Variants in LARGE1 observed in about 807,000 individuals in gnomAD.
The protein encoded by LARGE1 is xylosyl- and glucuronyltransferase LARGE1.
A neutral mutation model predicts 87.6 loss-of-function variants in LARGE1; 43 were observed. The observed-to-expected ratio is 0.49, with a 90% CI of 0.38 to 0.63. LARGE1 has a LOEUF of 0.63. LARGE1 is among the 30% of genes least tolerant of loss of function. LARGE1 has a pLI of 0.00. For synonymous variants in LARGE1, 434 were observed against 394.6 expected (o/e 1.10, Z -1.18); for missense variants, 802 against 1,000.2 (o/e 0.80, Z 2.67).
At chr22:33,450,001 T>C (rs1271522910) in intron 6 of LARGE1, among the ~76,000 whole-genome samples, 1 of 152,024 alleles carries the variant, frequency 6.6e-6, no homozygotes, top group Non-Finnish European at 1.5e-5. Context: ...AACCTCCGCC[T>C]CTTGGGTTCA....
the LARGE1 span, among the ~76,000 whole-genome samples, chr22:33,145,746 A>G: frequency 1.3e-5 from 2 of 152,328 alleles, no homozygotes; most frequent in Non-Finnish European, 2.9e-5. Context: ...TCTCAGCCCA[A>G]GTATTCCCTC....
the LARGE1 span, among the ~76,000 whole-genome samples, chr22:33,077,041 T>C: frequency 1.3e-5 from 2 of 152,148 alleles, no homozygotes; most frequent in Admixed American, 1.3e-4. Flanking sequence ...TAAGACTATC[T>C]CAAAAGGTTG....
At chr22:33,715,642 GC>G (rs1170936452) in intron 2 of LARGE1, among the ~76,000 whole-genome samples, 1 of 152,180 alleles carries the variant, frequency 6.6e-6, no homozygotes, top group African/African-American at 2.4e-5. Flanking sequence ...AACCCCCAGA[GC>G]ATCTGCCTCT....
intron 2 of LARGE1, among the ~76,000 whole-genome samples, chr22:33,710,686 A>G (rs1159992505): frequency 2.0e-5 from 3 of 152,220 alleles, no homozygotes; most frequent in Non-Finnish European, 1.5e-5. Flanking sequence ...AATTCATAAC[A>G]TTCCAACAGC....
chr22:33,641,911 G>A (rs920820576), intron 3 of LARGE1, among the ~76,000 whole-genome samples: 2 of 152,156 alleles, frequency 1.3e-5, no homozygotes, highest in African/African-American at 4.8e-5. Context: ...TTTTATTGGT[G>A]TACCTGAAAG....
intron 2 of LARGE1, among the ~76,000 whole-genome samples, chr22:33,689,175 C>T (rs966647320): frequency 6.6e-6 from 1 of 150,926 alleles, no homozygotes; most frequent in Admixed American, 6.6e-5. Context: ...CTCCCCCCTC[C>T]TGTGTGTGTA....
intron 1 of LARGE1, among the ~76,000 whole-genome samples, chr22:33,917,601 GT>G (rs1188798036): frequency 6.6e-6 from 1 of 152,186 alleles, no homozygotes; most frequent in Non-Finnish European, 1.5e-5. Flanking sequence ...CACCAAAAGT[GT>G]TGATTACAAA....
intron 6 of LARGE1, among the ~76,000 whole-genome samples, chr22:33,532,242 T>A (rs532226934): frequency 6.6e-6 from 1 of 152,356 alleles, no homozygotes; most frequent in African/African-American, 2.4e-5. Flanking sequence ...CTTTTAACGT[T>A]TTATTTCCTC....
intron 5 of LARGE1, among the ~76,000 whole-genome samples, chr22:33,593,208 T>G (rs1416515848): frequency 6.6e-6 from 1 of 151,684 alleles, no homozygotes; most frequent in Non-Finnish European, 1.5e-5. Context: ...GACTGGCTAA[T>G]TTGTGGATTT....
In LARGE1 at chr22:33,414,362, A is replaced by G. The variant is rs370296962; in HGVS notation, c.892+17799T>C. ...GGTAAAAGTTTCTGTTATATGAAAT[A>G]TAACAGAAAATATAACTGGAAATCT... On this transcript the variant is annotated intron_variant, in intron 7 of 14. Transcript: ENST00000397394. Among the ~76,000 whole-genome samples, 6 of 152,200 alleles carry G rather than the reference A, an allele frequency of 3.9e-5. No homozygotes were observed. In the East Asian group the frequency reaches 7.7e-4, roughly 20 times the overall value.
intron 1 of LARGE1, among the ~76,000 whole-genome samples, chr22:33,853,666 G>C (rs1024377957): frequency 6.6e-6 from 1 of 152,164 alleles, no homozygotes; most frequent in Non-Finnish European, 1.5e-5. Context: ...CACATATGCC[G>C]AAGATAGCAA....
intron 9 of LARGE1, among the ~76,000 whole-genome samples, chr22:33,358,220 C>T (rs984596090): frequency 3.3e-5 from 5 of 152,134 alleles, no homozygotes; most frequent in South Asian, 4.1e-4. Flanking sequence ...GAAATGAAAC[C>T]GGCACTGGCC....
intron 1 of LARGE1, among the ~76,000 whole-genome samples, chr22:33,900,978 C>G (rs1483775054): frequency 6.6e-6 from 1 of 152,102 alleles, no homozygotes; most frequent in Non-Finnish European, 1.5e-5. Context: ...ACCCGGGAGA[C>G]AGAGGTTGCA....
At chr22:33,521,204 A>G (rs543068617) in intron 6 of LARGE1, among the ~76,000 whole-genome samples, 1 of 152,384 alleles carries the variant, frequency 6.6e-6, no homozygotes, top group African/African-American at 2.4e-5. Flanking sequence ...ACACTGTATC[A>G]GTCAGCATTG....
At chr22:33,489,914 G>A (rs1346644933) in intron 6 of LARGE1, among the ~76,000 whole-genome samples, 1 of 152,262 alleles carries the variant, frequency 6.6e-6, no homozygotes, top group East Asian at 1.9e-4. Flanking sequence ...GGCTGGGCTG[G>A]GTGGTGTTGC....
intron 1 of LARGE1, among the ~76,000 whole-genome samples, chr22:33,812,248 T>C (rs1008303252): frequency 2.0e-5 from 3 of 152,238 alleles, no homozygotes; most frequent in Non-Finnish European, 4.4e-5. Flanking sequence ...TATGCTAAGC[T>C]CCAGGTATGC....
rs145789359 is a variant in LARGE1, at chr22:33,505,220, A to C, written c.787+59628T>G. On this transcript the variant is annotated intron_variant, in intron 6 of 14. Coordinates refer to ENST00000397394, the MANE Select transcript of LARGE1 (RefSeq NM_133642.5). ...AGCAGAGGAGACCTGTGCTCAGGACAGGACCACGATTAGTGGAATAGAGCG... is the reference window on the plus strand; with the variant it reads ...AGCAGAGGAGACCTGTGCTCAGGACCGGACCACGATTAGTGGAATAGAGCG... Among the ~76,000 whole-genome samples the C allele has an allele frequency of 4.0e-3, 602 of 152,376 alleles. 10 individuals are homozygous for C. Among genetic ancestry groups the C allele is most frequent in the East Asian group, 0.012 (63 of 5,184 alleles).
At chr22:33,753,731 A>G (rs978356824) in intron 2 of LARGE1, among the ~76,000 whole-genome samples, 2 of 152,156 alleles carry the variant, frequency 1.3e-5, no homozygotes, top group African/African-American at 4.8e-5. Context: ...CAGGATAGCC[A>G]ATATTATTTT....
rs368626909 is a variant in LARGE1 at position 33,503,799 on chromosome 22, AAAAAAC to A, written c.787+61043_787+61048del. ...GGGCGACAGAGCAAGACTCTGTCTC[AAAAAAC>A]AAAAACAAAAACAAAAACACCAAAA... On this transcript the variant is annotated intron_variant, in intron 6 of 14. Transcript: ENST00000397394. Among the ~76,000 whole-genome samples, 293 of 152,100 alleles carry A rather than the reference AAAAAAC, an allele frequency of 1.9e-3. 2 individuals are homozygous for A. Among genetic ancestry groups the A allele is most frequent in the African/African-American group, 6.6e-3 (275 of 41,520 alleles).
Sources: gnomAD v4.1 joint callset for allele counts (sites outside exome capture counted in the v4.1 genomes callset) on GRCh38, gnomAD v4.1.1 for gene constraint, MANE v1.5 for transcripts, NCBI Gene and HGNC (gene_info 2026-07-23, HGNC 2026-07-21) for gene names.